SLC3A1: variants seen among roughly 807,000 people sequenced by gnomAD.
SLC3A1 encodes solute carrier family 3 member 1.
In SLC3A1, 78 loss-of-function variants were observed where a neutral mutation model predicts 60.3. The ratio of observed to expected loss-of-function variants is 1.29; its 90% CI spans 1.08 to 1.56. The LOEUF (loss-of-function observed/expected upper bound fraction) is 1.56. SLC3A1 is among the 40% of genes most tolerant of loss of function. The pLI is 0.00. For missense variants in SLC3A1, 1,172 were observed against 858.9 expected (o/e 1.36, Z -4.56); for synonymous variants, 392 against 307.9 (o/e 1.27, Z -2.86).
At chr2:44,294,402 G>A (rs1284926639) in intron 4 of SLC3A1, among the ~76,000 whole-genome samples, 1 of 151,782 alleles carries the variant, frequency 6.6e-6, no homozygotes. Context: ...CTACTCAGGA[G>A]GCTGAGGCAG....
chr2:44,308,599 G>T (rs61644397), intron 7 of SLC3A1, among the ~76,000 whole-genome samples: 9,088 of 152,124 alleles, frequency 0.06, 686 homozygotes, highest in African/African-American at 0.18. Context: ...TGAAGTGTTT[G>T]CTTAATTTCA....
Position 44,320,388 on chromosome 2 carries a change from A to G in SLC3A1, c.1807A>G (p.Thr603Ala). 6.2e-7 allele frequency: 1 copy of G among 1,614,110 alleles called. No homozygotes were observed. Among genetic ancestry groups the G allele is most frequent in the East Asian group, 2.2e-5 (1 of 44,876 alleles). Residue 603 changes from threonine to alanine, a missense_variant, in exon 10 of 10, where the codon ACA becomes GCA. Thr to Ala is a moderately conservative substitution (Grantham distance 58). Transcript: ENST00000260649. Reference protein sequence around the residue: ...FIVVLNFGESTLLNLHNMISG... With the variant: ...FIVVLNFGESALLNLHNMISG... ...CGTGGTTCTGAATTTTGGAGAATCA[A>G]CACTGTTAAATCTACATAATATGAT...
intron 3 of SLC3A1, among the ~76,000 whole-genome samples, chr2:44,282,772 C>T (rs116703760): frequency 3.9e-4 from 59 of 152,104 alleles, no homozygotes; most frequent in Non-Finnish European, 6.3e-4. Flanking sequence ...ATCCTCCCAG[C>T]TATTCCTCCC....
intron 7 of SLC3A1, among the ~76,000 whole-genome samples, chr2:44,307,210 TC>T (rs1307516809): frequency 2.6e-5 from 4 of 152,342 alleles, no homozygotes; most frequent in African/African-American, 7.2e-5. Context: ...AATAGTAACT[TC>T]CATAAAGCCC....
intron 7 of SLC3A1, among the ~76,000 whole-genome samples, chr2:44,312,316 G>C (rs1387246301): frequency 6.6e-6 from 1 of 152,116 alleles, no homozygotes; most frequent in Admixed American, 6.5e-5. Flanking sequence ...ATCCAAATAT[G>C]AGAAAATATG....
At chr2:44,294,007 GTAAA>G (rs1431687703) in intron 4 of SLC3A1, among the ~76,000 whole-genome samples, 2 of 152,160 alleles carry the variant, frequency 1.3e-5, no homozygotes, top group African/African-American at 4.8e-5. Flanking sequence ...AAATTGGTAA[GTAAA>G]TAAATACTAT....
At position 44,312,617 on chromosome 2, in the gene SLC3A1, C is replaced by G. The variant is rs949704245; in HGVS notation, c.1364C>G (p.Ser455Trp). 1.9e-6 allele frequency: 3 copies of G among 1,613,792 alleles called. No individual in the cohort carries two copies. The highest frequency in any genetic ancestry group is 1.3e-5 in the African/African-American group (1 of 74,876). Residue 455 changes from serine to tryptophan, a missense_variant, in exon 8 of 10, where the codon TCG (serine) becomes TGG (tryptophan). Transcript: ENST00000260649. ...IGGPDSSRLTSRLGNQYVNVM... is the reference protein window; with the variant it reads ...IGGPDSSRLTWRLGNQYVNVM... ...GGACCAGACAGTTCACGGCTGACTT[C>G]GCGTTTGGGGAATCAGTATGTCAAC...
At chr2:44,308,957 C>T (rs1316285931) in intron 7 of SLC3A1, among the ~76,000 whole-genome samples, 4 of 152,180 alleles carry the variant, frequency 2.6e-5, no homozygotes, top group East Asian at 3.9e-4. Flanking sequence ...TGGCCTCGGT[C>T]TCCTGACCTC....
downstream of SLC3A1, chr2:44,321,571 T>A: frequency 1.3e-6 from 2 of 1,498,936 alleles, no homozygotes; most frequent in East Asian, 4.9e-5. Flanking sequence ...AAGAATACTT[T>A]CATTCGAGAG....
chr2:44,310,230 C>A (rs959048908), intron 7 of SLC3A1, among the ~76,000 whole-genome samples: 23 of 152,262 alleles, frequency 1.5e-4, no homozygotes, highest in African/African-American at 5.1e-4. Flanking sequence ...TGAGGAACTA[C>A]CAAACTGTTT....
At chr2:44,281,946 C>T (rs1671509286) in intron 3 of SLC3A1, among the ~76,000 whole-genome samples, 1 of 152,110 alleles carries the variant, frequency 6.6e-6, no homozygotes, top group Non-Finnish European at 1.5e-5. Context: ...ACAATCTCAG[C>T]TCACTGCAAA....
intron 6 of SLC3A1, among the ~76,000 whole-genome samples, chr2:44,302,372 C>G (rs1307128029): frequency 1.3e-5 from 2 of 152,024 alleles, no homozygotes; most frequent in African/African-American, 4.8e-5. Flanking sequence ...ATAAAATTAC[C>G]CATCATTAAG....
At chr2:44,297,453 C>A (rs1187531456) in intron 4 of SLC3A1, among the ~76,000 whole-genome samples, 1 of 152,188 alleles carries the variant, frequency 6.6e-6, no homozygotes, top group African/African-American at 2.4e-5. Context: ...CCCACCAGGT[C>A]ATCTAGGTCA....
intron 4 of SLC3A1, among the ~76,000 whole-genome samples, chr2:44,292,326 G>A (rs1671757242): frequency 6.6e-6 from 1 of 152,230 alleles, no homozygotes; most frequent in South Asian, 2.1e-4. Context: ...AACACAATTC[G>A]CTCACTACCT....
intron 3 of SLC3A1, chr2:44,285,128 T>C (rs185176173): frequency 4.6e-5 from 7 of 152,378 alleles, no homozygotes; most frequent in African/African-American, 1.4e-4. Context: ...TTATTGTTTA[T>C]GTACACTAAA....
At chr2:44,307,946 T>A (rs760936035) in intron 7 of SLC3A1, among the ~76,000 whole-genome samples, 2 of 152,200 alleles carry the variant, frequency 1.3e-5, no homozygotes, top group Non-Finnish European at 2.9e-5. Context: ...TATTCTTTGC[T>A]TCATTGGATT....
intron 4 of SLC3A1, among the ~76,000 whole-genome samples, chr2:44,297,686 T>C (rs1176575841): frequency 7.2e-5 from 11 of 152,212 alleles, no homozygotes; most frequent in Admixed American, 6.5e-4. Flanking sequence ...CAATATGTCA[T>C]TCTTTCATGC....
At chr2:44,295,749 A>G (rs961433129) in intron 4 of SLC3A1, among the ~76,000 whole-genome samples, 1 of 152,312 alleles carries the variant, frequency 6.6e-6, no homozygotes, top group South Asian at 2.1e-4. Flanking sequence ...GACTGGCTTT[A>G]TTTTAGGAAA....
chr2:44,309,779 A>C (rs1480023429), intron 7 of SLC3A1, among the ~76,000 whole-genome samples: 4 of 152,134 alleles, frequency 2.6e-5, no homozygotes. Flanking sequence ...TTGTATTTTT[A>C]GTAGAAATGG....
Sources: gnomAD v4.1 joint callset for allele counts (sites outside exome capture counted in the v4.1 genomes callset) on GRCh38, gnomAD v4.1.1 for gene constraint, MANE v1.5 for transcripts, NCBI Gene and HGNC (gene_info 2026-07-23, HGNC 2026-07-21) for gene names.